SEC16B: variants seen among roughly 807,000 people sequenced by gnomAD.
SEC16B encodes the protein protein transport protein Sec16B.
In SEC16B, 115 loss-of-function variants were observed where a neutral mutation model predicts 141.8. The ratio of observed to expected loss-of-function variants is 0.81; its 90% CI spans 0.70 to 0.95. The LOEUF (loss-of-function observed/expected upper bound fraction) is 0.95, where lower values mean the gene tolerates loss of function less well. Ranked by LOEUF, SEC16B falls within the 40% of genes least tolerant of loss-of-function variation. The pLI, the probability that SEC16B is intolerant of heterozygous loss-of-function variation, is 0.00. For missense variants in SEC16B, 1,291 were observed against 1,312.3 expected, an observed-to-expected ratio of 0.98 and a Z score of 0.25; for synonymous variants, 493 against 492.5, an observed-to-expected ratio of 1.00 and a Z score of -0.01.
chr1:177,980,451 G>C (rs1654360921), intron 1 of SEC16B, among the ~76,000 whole-genome samples: 1 of 152,092 alleles, frequency 6.6e-6, no homozygotes, highest in African/African-American at 2.4e-5. Context: ...AAACTATATG[G>C]AAGGAACCCA....
At position 177,937,463 on chromosome 1, in the gene SEC16B, G is replaced by A; in HGVS notation, c.2254C>T (p.Pro752Ser). ...FSGCQGYSEAPGYRSALWLTP... is the reference protein window; with the variant it reads ...FSGCQGYSEASGYRSALWLTP... ...AGCCACAGAGCTGAGCGGTACCCAG[G>A]GGCTTCAGAGTAGCCTTGACATCCA... is the stretch of plus-strand genomic sequence containing the variant. Residue 752 changes from proline (P) to serine (S), a missense_variant, in exon 19 of 26, where the codon CCT (proline) becomes TCT (serine). This residue lies in a region of SEC16B where 605 missense variants were observed against 614.1 expected (regional missense o/e 0.99). Transcript: ENST00000308284. The A allele has an allele frequency of 6.3e-7, 1 of 1,594,222 alleles. No homozygotes were observed. The highest frequency in any genetic ancestry group is 8.5e-7 in the Non-Finnish European group (1 of 1,170,498).
intron 12 of SEC16B, among the ~76,000 whole-genome samples, chr1:177,951,258 G>A (rs991871497): frequency 1.3e-5 from 2 of 152,098 alleles, no homozygotes; most frequent in African/African-American, 4.8e-5. Context: ...AAAAGGGCAT[G>A]CTATATATAC....
intron 10 of SEC16B, among the ~76,000 whole-genome samples, chr1:177,955,151 C>A (rs538769420): frequency 6.7e-6 from 1 of 149,542 alleles, no homozygotes; most frequent in Non-Finnish European, 1.5e-5. Flanking sequence ...AAATATTCAA[C>A]TTCATTGAAT....
rs74518940 is a variant in SEC16B, at chr1:177,952,912, C to T, written c.1464-917G>A. ...CTCCAGGAAGACTGAGGGGTGGAGT[C>T]GTCATGAGACTCAACTAGGCCATCA... is the stretch of plus-strand genomic sequence containing the variant. On this transcript the variant is annotated intron_variant, in intron 11 of 25. Transcript: ENST00000308284. 9.3e-3 allele frequency among the ~76,000 whole-genome samples: 1,415 copies of T among 152,024 alleles called. 27 individuals are homozygous for T. The highest frequency in any genetic ancestry group is 0.033 in the African/African-American group (1,363 of 41,462).
chr1:177,969,389 C>A (rs1225660283), intron 1 of SEC16B, among the ~76,000 whole-genome samples: 1 of 152,154 alleles, frequency 6.6e-6, no homozygotes, highest in Non-Finnish European at 1.5e-5. Flanking sequence ...GCTTCCTTCC[C>A]ATATCATCTC....
rs1317099545 is a variant in SEC16B at position 177,936,307 on chromosome 1, G to A, written c.2562C>T (p.Ser854=). The A allele has an allele frequency of 3.1e-6, 5 of 1,609,920 alleles. No homozygotes were observed. The highest frequency in any genetic ancestry group is 4.2e-6 in the Non-Finnish European group (5 of 1,178,314). ...SQPPDGQEVI[S]KPQTPLAARP... ...TGCTGTGCGCTCTCACCTGTGGTTT[G>A]GAAATGACCTCTTGGCCATCAGGAG... Residue 854 remains serine (S), a synonymous_variant, in exon 20 of 26, where the codon TCC becomes TCT. Transcript: ENST00000308284.
intron 16 of SEC16B, 112 bp downstream of exon 16, chr1:177,941,788 A>G (rs1168287169): frequency 2.3e-6 from 3 of 1,301,902 alleles, no homozygotes; most frequent in Non-Finnish European, 3.2e-6. Context: ...CGTGGGCTCC[A>G]ATTTTATGGC....
At chr1:177,932,848 A>G (rs1650546914) in intron 22 of SEC16B, 42 bp from the exon 23 acceptor site, 1 of 1,557,226 alleles carries the variant, frequency 6.4e-7, no homozygotes, top group East Asian at 2.3e-5. Flanking sequence ...CAACATTGGC[A>G]GTTAACAAAT....
Position 177,929,579 on chromosome 1 carries a change from C to T in SEC16B, c.*279G>A, listed in dbSNP as rs73043190. ...GGCTCTCAAGCCACCACCATAAGTG[C>T]CACCACCATGTCACTCTGCTCATGT... On this transcript the variant is annotated 3_prime_UTR_variant, in exon 26 of 26. Coordinates refer to ENST00000308284, the MANE Select transcript of SEC16B (RefSeq NM_033127.4). The T allele has an allele frequency of 2.2e-3, 918 of 419,994 alleles. 7 individuals are homozygous for T. The highest frequency in any genetic ancestry group is 0.017 in the African/African-American group (856 of 50,274). 26.0% of individuals were successfully genotyped at this position (419,994 alleles called of 1,614,324 possible). A position where few individuals can be genotyped will look rare whatever the true frequency, so the allele number is the denominator to read the frequency against.
rs146200281 is a variant in SEC16B at position 177,955,478 on chromosome 1, G to A, written c.1366-1102C>T. 2.0e-3 allele frequency among the ~76,000 whole-genome samples: 308 copies of A among 152,302 alleles called. 1 individual carries two copies. The highest frequency in any genetic ancestry group is 7.3e-3 in the African/African-American group (303 of 41,556). On this transcript the variant is annotated intron_variant, in intron 10 of 25. Coordinates refer to ENST00000308284, the MANE Select transcript of SEC16B (RefSeq NM_033127.4). ...TTCTCATGCCTCAGCCTCCCAAGTA[G>A]CTGGGACTACAGGCCATGCCATCAT...
Position 177,932,691 on chromosome 1 carries a change from A to C in SEC16B, c.2932+7T>G. 1 of 1,571,518 alleles carries C rather than the reference A, an allele frequency of 6.4e-7. No individual in the cohort carries two copies. The highest frequency in any genetic ancestry group is 1.2e-5 in the South Asian group (1 of 82,030). ...CCCATGGCCCAGAGGACGTGAGGTG[A>C]CGGTACCTCTGCCCCTGGAGAAGGC... is the stretch of plus-strand genomic sequence containing the variant. On this transcript the variant is annotated splice_region_variant and intron_variant, in intron 23 of 25. Coordinates refer to ENST00000308284, the MANE Select transcript of SEC16B (RefSeq NM_033127.4).
chr1:177,944,420 C>G (rs578242159), intron 15 of SEC16B, 141 bp downstream of exon 15: 2 of 664,536 alleles, frequency 3.0e-6, no homozygotes, highest in Non-Finnish European at 2.7e-6. Context: ...AAATCCTACA[C>G]CCTCCCACGC....
Position 177,963,276 on chromosome 1 carries a change from G to A in SEC16B, c.642+895C>T, listed in dbSNP as rs61225610. Among the ~76,000 whole-genome samples the A allele has an allele frequency of 4.6e-3, 702 of 151,878 alleles. 9 individuals are homozygous for A. Among genetic ancestry groups the A allele is most frequent in the African/African-American group, 0.016 (672 of 41,484 alleles). On this transcript the variant is annotated intron_variant, in intron 5 of 25. Transcript: ENST00000308284. ...AATTGACCTCATACAAACCTAATAA[G>A]GGAGACAAGATTAATACAAGACTTT... is the stretch of plus-strand genomic sequence containing the variant.
At chr1:177,949,660 A>G (rs1351154927) in intron 12 of SEC16B, among the ~76,000 whole-genome samples, 2 of 152,156 alleles carry the variant, frequency 1.3e-5, no homozygotes, top group East Asian at 3.8e-4. Context: ...AAATCCCCAT[A>G]AAGATTAAAA....
Position 177,937,333 on chromosome 1 carries a change from G to A in SEC16B, c.2384C>T (p.Pro795Leu), listed in dbSNP as rs754492981. The A allele has an allele frequency of 1.1e-5, 18 of 1,613,552 alleles. No individual in the cohort carries two copies. The highest frequency in any genetic ancestry group is 4.5e-5 in the East Asian group (2 of 44,866). Residue 795 changes from proline (P) to leucine (L), a missense_variant, in exon 19 of 26, where the codon CCG becomes CTG. Coordinates refer to ENST00000308284, the MANE Select transcript of SEC16B (RefSeq NM_033127.4). ...AGGGAGQTGT[P>L]RPFYSVPETH... ...CTCAGGAACTGAGTAAAAAGGCCTCGGTGTCCCTGTCTGCCCTGCACCCCC... is the reference window on the plus strand; with the variant it reads ...CTCAGGAACTGAGTAAAAAGGCCTCAGTGTCCCTGTCTGCCCTGCACCCCC...
At chr1:177,944,714 AG>A (rs1557973675) in intron 14 of SEC16B, 48 bp from the exon 15 acceptor site, 1 of 1,503,324 alleles carries the variant, frequency 6.7e-7, no homozygotes, top group East Asian at 2.3e-5. Flanking sequence ...TGGGGGACGC[AG>A]GAGTTAAATC....
intron 19 of SEC16B, 148 bp from the exon 20 acceptor site, chr1:177,936,513 A>G: frequency 1.4e-6 from 1 of 697,160 alleles, no homozygotes; most frequent in East Asian, 2.7e-5. Flanking sequence ...GCAAATACAA[A>G]GAATGCTCAC....
intron 6 of SEC16B, 31 bp downstream of exon 6, chr1:177,961,558 CA>C (rs1316059006): frequency 1.2e-5 from 19 of 1,581,008 alleles, no homozygotes; most frequent in Non-Finnish European, 1.6e-5. Context: ...ACATCAGATT[CA>C]ATCAACTCTT....
chr1:177,933,321 G>A lies in SEC16B; in HGVS notation c.2725-9C>T. ...CAGCCAAACCCTGAGCTCTGGAAGG[G>A]GAAGAGGACATTTTATGACCTGCAG... On this transcript the variant is annotated splice_polypyrimidine_tract_variant and intron_variant, in intron 21 of 25. Coordinates refer to ENST00000308284, the MANE Select transcript of SEC16B (RefSeq NM_033127.4). The A allele has an allele frequency of 6.3e-7, 1 of 1,592,116 alleles. No individual in the cohort carries two copies. The highest frequency in any genetic ancestry group is 8.6e-7 in the Non-Finnish European group (1 of 1,168,830).
Sources: gnomAD v4.1 joint callset for allele counts (sites outside exome capture counted in the v4.1 genomes callset) on GRCh38, gnomAD v4.1.1 for gene constraint, gnomAD v4.1.1 regional missense constraint, MANE v1.5 for transcripts, NCBI Gene and HGNC (gene_info 2026-07-23, HGNC 2026-07-21) for gene names.